The following OPCML variants were observed in gnomAD, a reference collection of about 807,000 sequenced individuals.
The protein encoded by OPCML is opioid-binding protein/cell adhesion molecule.
Under a neutral mutation model 37.8 loss-of-function variants are expected in OPCML, and 13 were observed. That is an observed-to-expected ratio of 0.34 (90% CI 0.22 to 0.55). The LOEUF (loss-of-function observed/expected upper bound fraction) is 0.55. OPCML is among the 20% of genes least tolerant of loss of function. The pLI, the probability that OPCML is intolerant of heterozygous loss-of-function variation, is 0.91. For missense variants in OPCML, 341 were observed against 435.6 expected, an observed-to-expected ratio of 0.78 and a Z score of 1.93; for synonymous variants, 176 against 168.8, an observed-to-expected ratio of 1.04 and a Z score of -0.33.
At chr11:132,744,554 A>G (rs545509005) in intron 2 of OPCML, among the ~76,000 whole-genome samples, 69 of 152,332 alleles carry the variant, frequency 4.5e-4, no homozygotes, top group African/African-American at 1.6e-3. Flanking sequence ...TGAAGGTCTC[A>G]ATACTCATCT....
intron 2 of OPCML, among the ~76,000 whole-genome samples, chr11:132,795,482 C>T (rs1236988352): frequency 6.6e-6 from 1 of 152,186 alleles, no homozygotes; most frequent in Non-Finnish European, 1.5e-5. Flanking sequence ...AAAGTGAAAT[C>T]TCATGCCATT....
rs116195149 is a variant in OPCML at position 133,142,284 on chromosome 11, A to G, written c.62-199274T>C. 6.3e-3 allele frequency among the ~76,000 whole-genome samples: 965 copies of G among 152,228 alleles called. 9 individuals are homozygous for G. The highest frequency in any genetic ancestry group is 0.022 in the African/African-American group (926 of 41,542). The stretch of plus-strand genomic sequence containing the variant: ...TCAAAAGTCTGTAGCTTGGCACTCA[A>G]TGTTCTTCTCAACATGTTCCCCAGT... On this transcript the variant is annotated intron_variant, in intron 1 of 7. Transcript: ENST00000524381.
At position 132,548,798 on chromosome 11, in the gene OPCML, C is replaced by T. The variant is rs111229899; in HGVS notation, c.380-19612G>A. On this transcript the variant is annotated intron_variant, in intron 3 of 7. Transcript: ENST00000524381. ...TGCCTCCTTGACATATCTGTAACCA[C>T]GTCACTTTCTCCTTTTCTTTCCTTT... is the stretch of plus-strand genomic sequence containing the variant. Among the ~76,000 whole-genome samples the T allele has an allele frequency of 6.8e-3, 1,039 of 152,300 alleles. 18 individuals carry two copies. Among genetic ancestry groups the T allele is most frequent in the African/African-American group, 0.023 (964 of 41,566 alleles).
intron 3 of OPCML, among the ~76,000 whole-genome samples, chr11:132,574,116 T>G (rs2096444416): frequency 1.3e-5 from 2 of 151,878 alleles, no homozygotes; most frequent in South Asian, 4.1e-4. Flanking sequence ...TCTTGTCATT[T>G]TTTCCCTTAA....
At chr11:133,364,214 A>G (rs1944488152) in intron 1 of OPCML, among the ~76,000 whole-genome samples, 1 of 152,224 alleles carries the variant, frequency 6.6e-6, no homozygotes, top group South Asian at 2.1e-4. Flanking sequence ...TTAAGGGTAT[A>G]TTCCTACACG....
At chr11:132,534,869 C>A (rs1011159113) in intron 3 of OPCML, among the ~76,000 whole-genome samples, 3 of 152,166 alleles carry the variant, frequency 2.0e-5, no homozygotes, top group Middle Eastern at 3.4e-3. Flanking sequence ...TGTATATACT[C>A]ATTGTTGATA....
chr11:133,256,542 T>C (rs1479959809), intron 1 of OPCML, among the ~76,000 whole-genome samples: 1 of 152,206 alleles, frequency 6.6e-6, no homozygotes, highest in Non-Finnish European at 1.5e-5. Flanking sequence ...TTTTATAACC[T>C]TTATTGTGTA....
chr11:132,449,208 G>C (rs1466193703), intron 4 of OPCML, among the ~76,000 whole-genome samples: 2 of 152,206 alleles, frequency 1.3e-5, no homozygotes, highest in Non-Finnish European at 2.9e-5. Context: ...CTTGGTGATG[G>C]GGAGGAAAGA....
chr11:132,572,321 T>C (rs73036871), intron 3 of OPCML, among the ~76,000 whole-genome samples: 3,831 of 152,248 alleles, frequency 0.025, 119 homozygotes, highest in South Asian at 0.06. Flanking sequence ...ATGAAATTAT[T>C]GCCAAGACCA....
chr11:132,798,651 G>A (rs1228631194), intron 2 of OPCML, among the ~76,000 whole-genome samples: 1 of 152,176 alleles, frequency 6.6e-6, no homozygotes, highest in Non-Finnish European at 1.5e-5. Flanking sequence ...AGACTTCCAA[G>A]CTTCTGTTAA....
intron 3 of OPCML, among the ~76,000 whole-genome samples, chr11:132,615,853 A>G (rs1938972728): frequency 6.6e-6 from 1 of 152,224 alleles, no homozygotes; most frequent in Non-Finnish European, 1.5e-5. Context: ...TAGGCAAAGT[A>G]TATGTTTTAG....
chr11:133,314,152 G>A (rs1353757214), intron 1 of OPCML, among the ~76,000 whole-genome samples: 14 of 147,054 alleles, frequency 9.5e-5, no homozygotes, highest in African/African-American at 3.3e-4. Context: ...GGAGAATGGC[G>A]TGAACCCAGG....
chr11:133,489,820 G>C (rs888236534), intron 1 of OPCML, among the ~76,000 whole-genome samples: 1 of 148,568 alleles, frequency 6.7e-6, no homozygotes, highest in Non-Finnish European at 1.5e-5. Flanking sequence ...GAAAATGTGT[G>C]TGTGTGTGTA....
At chr11:132,527,180 T>C (rs1286361953) in intron 4 of OPCML, among the ~76,000 whole-genome samples, 2 of 152,194 alleles carry the variant, frequency 1.3e-5, no homozygotes, top group Non-Finnish European at 2.9e-5. Context: ...TTAATGAAGC[T>C]GCTAAAAACA....
chr11:132,463,229 C>T (rs972148027), intron 4 of OPCML, among the ~76,000 whole-genome samples: 7 of 152,206 alleles, frequency 4.6e-5, no homozygotes, highest in Non-Finnish European at 1.0e-4. Flanking sequence ...TTCCATTCAA[C>T]ACCATCTCTT....
intron 1 of OPCML, among the ~76,000 whole-genome samples, chr11:133,109,271 A>G (rs1949213494): frequency 6.6e-6 from 1 of 152,132 alleles, no homozygotes; most frequent in Non-Finnish European, 1.5e-5. Flanking sequence ...AAGAGTGGGC[A>G]GTAGCAAGGT....
At chr11:132,869,711 G>C (rs561030320) in intron 2 of OPCML, among the ~76,000 whole-genome samples, 2 of 152,080 alleles carry the variant, frequency 1.3e-5, no homozygotes, top group Admixed American at 6.5e-5. Context: ...ATTCTGAAAG[G>C]ACAAAACTGT....
intron 4 of OPCML, among the ~76,000 whole-genome samples, chr11:132,487,478 C>G (rs1011738135): frequency 6.6e-6 from 1 of 152,186 alleles, no homozygotes; most frequent in Non-Finnish European, 1.5e-5. Flanking sequence ...GCTGATGAGG[C>G]CCTGGACTAC....
intron 1 of OPCML, among the ~76,000 whole-genome samples, chr11:133,125,639 TATAC>T (rs1949490282): frequency 2.4e-5 from 3 of 127,346 alleles, no homozygotes; most frequent in Middle Eastern, 9.1e-3. Context: ...ATATAGTATA[TATAC>T]ATGTGTCTAT....
Sources: gnomAD v4.1 joint callset for allele counts (sites outside exome capture counted in the v4.1 genomes callset) on GRCh38, gnomAD v4.1.1 for gene constraint, MANE v1.5 for transcripts, NCBI Gene and HGNC (gene_info 2026-07-23, HGNC 2026-07-21) for gene names.